Variants in TG observed in about 807,000 individuals in gnomAD.
The protein encoded by TG is thyroglobulin.
A neutral mutation model predicts 324.7 loss-of-function variants in TG; 270 were observed. The observed-to-expected ratio is 0.83, with a 90% CI of 0.75 to 0.92. The LOEUF (loss-of-function observed/expected upper bound fraction) is 0.92, where lower values mean the gene tolerates loss of function less well. TG is among the 40% of genes least tolerant of loss of function. The pLI is 0.00. For synonymous variants in TG, 1,401 were observed against 1,327.0 expected, an observed-to-expected ratio of 1.06 and a Z score of -1.21; for missense variants, 3,591 against 3,456.4, an observed-to-expected ratio of 1.04 and a Z score of -0.98.
In TG at chr8:132,893,730, G is replaced by C; in HGVS notation, c.2802G>C (p.Gln934His). 1 of 1,613,926 alleles carries C rather than the reference G, an allele frequency of 6.2e-7. No homozygotes were observed. The highest frequency in any genetic ancestry group is 8.5e-7 in the Non-Finnish European group (1 of 1,179,896). The change falls in exon 11 of 48, where the codon CAG (glutamine) becomes CAC (histidine). Residue 934 changes from glutamine to histidine, a missense_variant. Gln to His is a conservative substitution (Grantham distance 24, BLOSUM62 0). Transcript: ENST00000220616. ...AGGAAGCAAAGCTCCGTGTACTGCAGTTCATTAGGGAAACGGAAGAGATTG... is the reference window on the plus strand; with the variant it reads ...AGGAAGCAAAGCTCCGTGTACTGCACTTCATTAGGGAAACGGAAGAGATTG... ...SCEEAKLRVL[Q>H]FIRETEEIVS...
chr8:133,109,576 A>T (rs892973764), intron 43 of TG, among the ~76,000 whole-genome samples: 5 of 152,158 alleles, frequency 3.3e-5, no homozygotes, highest in African/African-American at 1.2e-4. Flanking sequence ...GCAAGGGCAA[A>T]GCACAGCTGG....
intron 40 of TG, among the ~76,000 whole-genome samples, chr8:133,026,707 C>G (rs917112867): frequency 2.4e-4 from 36 of 152,156 alleles, no homozygotes; most frequent in Non-Finnish European, 3.5e-4. Context: ...ATGCCATGAC[C>G]TCATTGTCTC....
At chr8:133,047,663 TC>T in intron 41 of TG, 1 of 636,936 alleles carries the variant, frequency 1.6e-6, no homozygotes, top group South Asian at 1.7e-5. Flanking sequence ...TCCCCTTGCT[TC>T]CCCACTGGCC....
chr8:132,990,178 AT>A (rs1241358427), intron 35 of TG, among the ~76,000 whole-genome samples: 6 of 148,822 alleles, frequency 4.0e-5, no homozygotes, highest in Non-Finnish European at 7.4e-5. Flanking sequence ...ATATATATAT[AT>A]ATAATATACA....
intron 22 of TG, among the ~76,000 whole-genome samples, chr8:132,924,602 T>C (rs1401488747): frequency 6.6e-6 from 1 of 152,162 alleles, no homozygotes; most frequent in African/African-American, 2.4e-5. Flanking sequence ...AAGTCCCAGG[T>C]AAACCATCAG....
At chr8:133,057,258 A>G (rs1376153718) in intron 41 of TG, among the ~76,000 whole-genome samples, 1 of 152,210 alleles carries the variant, frequency 6.6e-6, no homozygotes, top group Non-Finnish European at 1.5e-5. Flanking sequence ...CAGAGTGCTC[A>G]TTTTAAGGTG....
At chr8:133,020,450 A>G (rs1249121532) in intron 39 of TG, among the ~76,000 whole-genome samples, 2 of 152,180 alleles carry the variant, frequency 1.3e-5, no homozygotes, top group African/African-American at 2.4e-5. Flanking sequence ...AGCAGCCACA[A>G]GCCAAACGGC....
intron 41 of TG, among the ~76,000 whole-genome samples, chr8:133,065,666 G>T (rs1440352233): frequency 6.6e-6 from 1 of 152,130 alleles, no homozygotes; most frequent in African/African-American, 2.4e-5. Context: ...GGAGGCTGAG[G>T]CAGGAGAATC....
intron 23 of TG, among the ~76,000 whole-genome samples, chr8:132,929,703 A>G (rs1028916262): frequency 3.3e-5 from 5 of 152,236 alleles, no homozygotes; most frequent in Non-Finnish European, 7.3e-5. Flanking sequence ...AAGTAACAAC[A>G]TCAAAGCCTG....
At chr8:132,907,845 T>A (rs1247830335) in intron 17 of TG, among the ~76,000 whole-genome samples, 1 of 152,166 alleles carries the variant, frequency 6.6e-6, no homozygotes, top group Non-Finnish European at 1.5e-5. Flanking sequence ...TCCCATCATC[T>A]ATGATGTCTA....
intron 41 of TG, chr8:133,047,770 C>A (rs777802840): frequency 6.3e-6 from 6 of 947,808 alleles, no homozygotes; most frequent in Non-Finnish European, 8.7e-6. Context: ...AATGAGTCAG[C>A]CAGGAGCAAA....
At position 132,926,618 on chromosome 8, in the gene TG, A is replaced by G. The variant is rs148340282; in HGVS notation, c.4700-2458A>G. Among the ~76,000 whole-genome samples the G allele has an allele frequency of 6.9e-4, 105 of 152,328 alleles. No homozygotes were observed. In the East Asian group the frequency reaches 0.015, roughly 22 times the overall value. On this transcript the variant is annotated intron_variant, in intron 22 of 47. Coordinates refer to ENST00000220616, the MANE Select transcript of TG (RefSeq NM_003235.5). ...ACTATTTCCTAAAGGTCTTCAGGGAAGGAGATTCTTCCACCACCTCAATTC... is the reference window on the plus strand; with the variant it reads ...ACTATTTCCTAAAGGTCTTCAGGGAGGGAGATTCTTCCACCACCTCAATTC...
In TG at chr8:133,029,686, C is replaced by T. The variant is rs368946059; in HGVS notation, c.7037-135C>T. The T allele has an allele frequency of 5.7e-6, 6 of 1,044,340 alleles. No homozygotes were observed. The African/African-American group carries it at 7.9e-5, about 14-fold the overall frequency. The allele number at this position is 1,044,340 out of a possible 1,614,324, so 64.7% of individuals were successfully genotyped here. On this transcript the variant is annotated intron_variant, in intron 40 of 47. Coordinates refer to ENST00000220616, the MANE Select transcript of TG (RefSeq NM_003235.5). ...TGTTCCTCACTGTATTTGGAACCCA[C>T]AGTCTCTACCTGTGAGGACAAGAGC...
At chr8:133,096,802 T>C (rs1848485930) in intron 43 of TG, among the ~76,000 whole-genome samples, 1 of 152,184 alleles carries the variant, frequency 6.6e-6, no homozygotes, top group African/African-American at 2.4e-5. Flanking sequence ...GCACCAGGCT[T>C]CCAAGTTAAA....
At chr8:133,038,270 C>T (rs35763179) in intron 41 of TG, 1 of 527,944 alleles carries the variant, frequency 1.9e-6, no homozygotes, top group African/African-American at 1.9e-5. Flanking sequence ...ACATGCTGGG[C>T]TCTTCCAAGC....
intron 41 of TG, chr8:133,050,187 A>G (rs1386015593): frequency 1.7e-6 from 1 of 576,224 alleles, no homozygotes; most frequent in Non-Finnish European, 3.1e-6. Context: ...ATAGCCCTCC[A>G]TTGCAAGCCA....
chr8:132,931,834 G>T (rs922419313), intron 23 of TG, among the ~76,000 whole-genome samples: 1 of 152,190 alleles, frequency 6.6e-6, no homozygotes, highest in Non-Finnish European at 1.5e-5. Context: ...AGTAGCTCAT[G>T]CTTGTAATGC....
At position 132,912,975 on chromosome 8, in the gene TG, G is replaced by T. The variant is rs1201699354; in HGVS notation, c.4160-72G>T. ...CAGTCTGGATATTCTAGGCATCTCT[G>T]CCCTGCTTAATCCTCCCTGGCCCTA... On this transcript the variant is annotated intron_variant, in intron 19 of 47. Transcript: ENST00000220616. The T allele has an allele frequency of 1.7e-5, 24 of 1,431,806 alleles. No individual in the cohort carries two copies. The Admixed American group carries it at 4.1e-4, about 24-fold the overall frequency. The allele number at this position is 1,431,806 out of a possible 1,614,324, so 88.7% of individuals were successfully genotyped here. A position where few individuals can be genotyped will look rare whatever the true frequency, so the allele number is the denominator to read the frequency against.
In TG at chr8:132,983,212, C is replaced by T. The variant is rs1457015867; in HGVS notation, c.6200-138C>T. Reference sequence around the variant, plus strand: ...CTCAGCATCATCCAGCCCACCCTGACCGATACAGGTTGGGACAATCTGTCT... The same window carrying T: ...CTCAGCATCATCCAGCCCACCCTGATCGATACAGGTTGGGACAATCTGTCT... On this transcript the variant is annotated intron_variant, in intron 34 of 47. Transcript: ENST00000220616. 14 of 880,634 alleles carry T rather than the reference C, an allele frequency of 1.6e-5. No individual in the cohort carries two copies. The Admixed American group carries it at 2.3e-4, about 14-fold the overall frequency. 54.6% of individuals were successfully genotyped at this position (880,634 alleles called of 1,614,324 possible). A position where few individuals can be genotyped will look rare whatever the true frequency, so the allele number is the denominator to read the frequency against.
Sources: allele counts gnomAD v4.1 joint callset (sites outside exome capture counted in the v4.1 genomes callset), GRCh38; gene constraint gnomAD v4.1.1; transcripts MANE v1.5; gene names NCBI Gene and HGNC (gene_info 2026-07-23, HGNC 2026-07-21).